The following KCNK13 variants were observed in gnomAD, a reference collection of about 807,000 sequenced individuals.
The protein encoded by KCNK13 is potassium two pore domain channel subfamily K member 13.
A neutral mutation model predicts 23.4 loss-of-function variants in KCNK13; 12 were observed. The observed-to-expected ratio is 0.51, with a 90% confidence interval of 0.33 to 0.83. The LOEUF (loss-of-function observed/expected upper bound fraction) is 0.83. Among genes scored for constraint, KCNK13 ranks in the 40% least tolerant of loss-of-function variants. The pLI is 0.02. For missense variants in KCNK13, 463 were observed against 556.3 expected, an observed-to-expected ratio of 0.83 and a Z score of 1.69; for synonymous variants, 231 against 229.5, an observed-to-expected ratio of 1.01 and a Z score of -0.06.
intron 1 of KCNK13, among the ~76,000 whole-genome samples, chr14:90,149,639 A>T (rs1167208236): frequency 1.3e-5 from 2 of 152,178 alleles, no homozygotes; most frequent in Non-Finnish European, 1.5e-5. Context: ...ATTCAAGATG[A>T]AATTTGGGTG....
intron 1 of KCNK13, among the ~76,000 whole-genome samples, chr14:90,088,495 C>T (rs1179700179): frequency 6.6e-6 from 1 of 152,198 alleles, no homozygotes; most frequent in African/African-American, 2.4e-5. Context: ...GCGCCTTTCC[C>T]AGCCAGCTCC....
intron 1 of KCNK13, among the ~76,000 whole-genome samples, chr14:90,085,406 A>C (rs79666196): frequency 0.14 from 20,597 of 151,518 alleles, 1,689 homozygotes; most frequent in South Asian, 0.26. Flanking sequence ...TTCCTGTAAT[A>C]CTAGCACTTT....
chr14:90,138,374 C>G (rs1889963061), intron 1 of KCNK13, among the ~76,000 whole-genome samples: 1 of 152,174 alleles, frequency 6.6e-6, no homozygotes, highest in Non-Finnish European at 1.5e-5. Flanking sequence ...CTAATGGGAT[C>G]ATATTACTTA....
Position 90,110,486 on chromosome 14 carries a change from GAA to G in KCNK13, c.334+47959_334+47960del, listed in dbSNP as rs11292418. On this transcript the variant is annotated intron_variant, in intron 1 of 1. Coordinates refer to ENST00000282146, the MANE Select transcript of KCNK13 (RefSeq NM_022054.4). ...CGGAGTGAGTCTTCGTCTCAAAAAAGAAAAAAAAAAAAAGCATCTGATTCAGG... is the reference window on the plus strand; with the variant it reads ...CGGAGTGAGTCTTCGTCTCAAAAAAGAAAAAAAAAAAGCATCTGATTCAGG... Among the ~76,000 whole-genome samples the G allele has an allele frequency of 7.4e-4, 101 of 135,776 alleles. 1 individual carries two copies. Among genetic ancestry groups the G allele is most frequent in the African/African-American group, 2.1e-3 (79 of 37,740 alleles). The allele number at this position is 135,776 out of a possible 152,430, so 89.1% of individuals were successfully genotyped here. A position where few individuals can be genotyped will look rare whatever the true frequency, so the allele number is the denominator to read the frequency against.
chr14:90,079,246 A>G (rs1209621116), intron 1 of KCNK13, among the ~76,000 whole-genome samples: 1 of 152,214 alleles, frequency 6.6e-6, no homozygotes, highest in African/African-American at 2.4e-5. Flanking sequence ...TTCTCTAAGA[A>G]ACAGACTCTG....
intron 1 of KCNK13, among the ~76,000 whole-genome samples, chr14:90,117,506 C>T (rs1381330294): frequency 2.6e-5 from 4 of 152,088 alleles, no homozygotes; most frequent in Non-Finnish European, 5.9e-5. Context: ...AAGAGAATCA[C>T]TTGAACCCAG....
At chr14:90,171,760 G>A (rs952730174) in intron 1 of KCNK13, among the ~76,000 whole-genome samples, 3 of 152,244 alleles carry the variant, frequency 2.0e-5, no homozygotes, top group African/African-American at 4.8e-5. Context: ...GAAGCAATCA[G>A]ATATGCATCT....
At chr14:90,109,728 G>C (rs1322240549) in intron 1 of KCNK13, among the ~76,000 whole-genome samples, 6 of 126,978 alleles carry the variant, frequency 4.7e-5, no homozygotes, top group African/African-American at 1.8e-4. Context: ...TTTTTTTTTT[G>C]AGAAAGGACT....
At chr14:90,083,682 G>C (rs1423127310) in intron 1 of KCNK13, among the ~76,000 whole-genome samples, 4 of 152,206 alleles carry the variant, frequency 2.6e-5, no homozygotes. Flanking sequence ...TGTGATGACA[G>C]CAAGAAGACC....
At chr14:90,089,866 G>A (rs374825940) in intron 1 of KCNK13, among the ~76,000 whole-genome samples, 8 of 152,356 alleles carry the variant, frequency 5.3e-5, no homozygotes, top group East Asian at 3.9e-4. Flanking sequence ...GGTAGCTTCC[G>A]TGTGGTGTTG....
intron 1 of KCNK13, among the ~76,000 whole-genome samples, chr14:90,088,437 G>A (rs1229483375): frequency 6.6e-6 from 1 of 152,144 alleles, no homozygotes; most frequent in African/African-American, 2.4e-5. Flanking sequence ...TGAAGTTCCC[G>A]AAGGCAGAAG....
At chr14:90,140,700 G>A (rs931232026) in intron 1 of KCNK13, among the ~76,000 whole-genome samples, 2 of 152,162 alleles carry the variant, frequency 1.3e-5, no homozygotes, top group South Asian at 2.1e-4. Context: ...AGAGTTTGCG[G>A]GTTAAGGATT....
At chr14:90,093,428 C>T (rs1889372605) in intron 1 of KCNK13, among the ~76,000 whole-genome samples, 1 of 152,126 alleles carries the variant, frequency 6.6e-6, no homozygotes, top group Non-Finnish European at 1.5e-5. Context: ...TTTTATTCTT[C>T]CTTGATAGTT....
chr14:90,109,833 C>A (rs375959112), intron 1 of KCNK13, among the ~76,000 whole-genome samples: 92 of 151,948 alleles, frequency 6.1e-4, no homozygotes, highest in Non-Finnish European at 4.4e-5. Context: ...TTCAACCTTC[C>A]GAGCAGCTGA....
chr14:90,121,461 A>T (rs1258652101), intron 1 of KCNK13, among the ~76,000 whole-genome samples: 3 of 152,214 alleles, frequency 2.0e-5, no homozygotes, highest in African/African-American at 7.2e-5. Flanking sequence ...GTGTTTGATC[A>T]TTCCCAAGCA....
At chr14:90,165,509 T>G (rs1240728359) in intron 1 of KCNK13, among the ~76,000 whole-genome samples, 1 of 152,180 alleles carries the variant, frequency 6.6e-6, no homozygotes, top group Non-Finnish European at 1.5e-5. Context: ...AGAGCCAGAT[T>G]TTCTCACTCA....
intron 1 of KCNK13, among the ~76,000 whole-genome samples, chr14:90,075,642 C>T (rs1889125725): frequency 6.6e-6 from 1 of 152,062 alleles, no homozygotes; most frequent in African/African-American, 2.4e-5. Flanking sequence ...CCATGCTCGG[C>T]TAATTTTTGT....
chr14:90,106,434 G>A (rs1169331674), intron 1 of KCNK13, among the ~76,000 whole-genome samples: 1 of 151,830 alleles, frequency 6.6e-6, no homozygotes, highest in African/African-American at 2.4e-5. Context: ...AATTAGCCAG[G>A]CATGGTGGCT....
At chr14:90,107,435 A>G (rs1889559165) in intron 1 of KCNK13, among the ~76,000 whole-genome samples, 1 of 152,126 alleles carries the variant, frequency 6.6e-6, no homozygotes, top group Admixed American at 6.5e-5. Flanking sequence ...CCGAGATGGC[A>G]CCACTGCCCT....
Sources: gnomAD v4.1 joint callset for allele counts (sites outside exome capture counted in the v4.1 genomes callset) on GRCh38, gnomAD v4.1.1 for gene constraint, MANE v1.5 for transcripts, NCBI Gene and HGNC (gene_info 2026-07-23, HGNC 2026-07-21) for gene names.